Variants in NOL4 observed in about 807,000 individuals in gnomAD.
NOL4 encodes the protein cancer/testis antigen 125.
NOL4 carries 17 observed loss-of-function variants against 75.9 expected under a neutral mutation model. The observed-to-expected ratio is 0.22, with a 90% CI of 0.15 to 0.34. The LOEUF (loss-of-function observed/expected upper bound fraction) is 0.34. NOL4 is among the 10% of genes least tolerant of loss of function. The probability of loss-of-function intolerance (pLI) is 1.00; values close to 1 mark genes in which losing one functional copy is unlikely to be tolerated. For synonymous variants in NOL4, 292 were observed against 289.9 expected (o/e 1.01, Z -0.07); for missense variants, 614 against 793.5 (o/e 0.77, Z 2.72).
At chr18:33,955,658 T>C (rs2069589855) in intron 8 of NOL4, among the ~76,000 whole-genome samples, 1 of 152,094 alleles carries the variant, frequency 6.6e-6, no homozygotes, top group Non-Finnish European at 1.5e-5. Context: ...GGTAAAAGCA[T>C]TCCATTTCCT....
intron 5 of NOL4, among the ~76,000 whole-genome samples, chr18:34,080,600 C>A (rs192103987): frequency 6.6e-6 from 1 of 152,276 alleles, no homozygotes; most frequent in Admixed American, 6.5e-5. Flanking sequence ...GAAGGCTGGG[C>A]CACTGCTACG....
At chr18:34,135,767 C>G (rs2145945341) in intron 1 of NOL4, among the ~76,000 whole-genome samples, 1 of 150,444 alleles carries the variant, frequency 6.6e-6, no homozygotes, top group South Asian at 2.1e-4. Flanking sequence ...ACCAAACATT[C>G]AAAGAATCAA....
intron 5 of NOL4, among the ~76,000 whole-genome samples, chr18:34,057,064 A>C (rs2076861706): frequency 6.6e-6 from 1 of 152,194 alleles, no homozygotes; most frequent in African/African-American, 2.4e-5. Flanking sequence ...GAAGTCCTGG[A>C]GTGCTTAATG....
intron 5 of NOL4, among the ~76,000 whole-genome samples, chr18:34,035,786 A>G (rs1437043913): frequency 6.6e-6 from 1 of 152,126 alleles, no homozygotes; most frequent in Non-Finnish European, 1.5e-5. Context: ...AGAAATGAAA[A>G]TGGAGACATT....
chr18:34,107,924 T>A (rs1568351081), intron 2 of NOL4, among the ~76,000 whole-genome samples: 2 of 152,092 alleles, frequency 1.3e-5, no homozygotes, highest in Non-Finnish European at 1.5e-5. Context: ...AAAGACTCAA[T>A]GAATAAGGTA....
intron 6 of NOL4, among the ~76,000 whole-genome samples, chr18:33,984,945 A>C (rs900749016): frequency 8.5e-5 from 13 of 152,074 alleles, no homozygotes; most frequent in African/African-American, 3.1e-4. Flanking sequence ...CTTTAACTTA[A>C]GCAATCACAT....
At chr18:34,026,955 T>A (rs1822989871) in intron 5 of NOL4, among the ~76,000 whole-genome samples, 1 of 152,188 alleles carries the variant, frequency 6.6e-6, no homozygotes, top group Non-Finnish European at 1.5e-5. Flanking sequence ...GTTTGGGTAT[T>A]CTGAGGAGAG....
rs77586387 is a variant in NOL4 at position 34,156,066 on chromosome 18, C to T, written c.265-26046G>A. Among the ~76,000 whole-genome samples the T allele has an allele frequency of 4.1e-4, 62 of 152,246 alleles. No homozygotes were observed. The East Asian group carries it at 7.7e-3, about 19-fold the overall frequency. ...TGTCAGAATATTTCCCATTTCCTTC[C>T]ATGCCAGACATGATGCCTTTCCTCT... On this transcript the variant is annotated intron_variant, in intron 1 of 10. Coordinates refer to ENST00000261592, the MANE Select transcript of NOL4 (RefSeq NM_003787.5).
At chr18:33,870,949 T>G (rs1011695085) in intron 10 of NOL4, among the ~76,000 whole-genome samples, 3 of 152,084 alleles carry the variant, frequency 2.0e-5, no homozygotes, top group African/African-American at 7.2e-5. Flanking sequence ...TTTAATTTTG[T>G]AATCAGTTTT....
intron 6 of NOL4, among the ~76,000 whole-genome samples, chr18:33,982,182 C>G (rs1342918457): frequency 6.6e-6 from 1 of 151,918 alleles, no homozygotes; most frequent in African/African-American, 2.4e-5. Context: ...AAAACAGTAA[C>G]AAACATAGTA....
intron 5 of NOL4, among the ~76,000 whole-genome samples, chr18:34,069,022 T>C (rs1329198624): frequency 1.3e-5 from 2 of 152,136 alleles, no homozygotes; most frequent in Non-Finnish European, 2.9e-5. Flanking sequence ...AGGAAAAAAT[T>C]ATCCATAATA....
intron 5 of NOL4, among the ~76,000 whole-genome samples, chr18:34,058,416 G>A (rs2076923078): frequency 6.6e-6 from 1 of 152,184 alleles, no homozygotes; most frequent in South Asian, 2.1e-4. Flanking sequence ...TTACAGGCAT[G>A]AGCCACTGCG....
chr18:34,005,737 G>A (rs1600224039), intron 6 of NOL4, among the ~76,000 whole-genome samples: 3 of 152,002 alleles, frequency 2.0e-5, no homozygotes, highest in East Asian at 1.9e-4. Flanking sequence ...TACATACTTC[G>A]ATGATTCCCC....
At chr18:33,992,470 C>T (rs761693759) in intron 6 of NOL4, among the ~76,000 whole-genome samples, 2 of 151,922 alleles carry the variant, frequency 1.3e-5, no homozygotes, top group Non-Finnish European at 2.9e-5. Flanking sequence ...TAAGGACATA[C>T]AGTAAATGAG....
At chr18:34,071,192 A>C (rs2077499389) in intron 5 of NOL4, among the ~76,000 whole-genome samples, 1 of 152,122 alleles carries the variant, frequency 6.6e-6, no homozygotes, top group African/African-American at 2.4e-5. Context: ...CATGTATCAA[A>C]ATTTATATTG....
At chr18:34,066,413 C>T (rs984785913) in intron 5 of NOL4, among the ~76,000 whole-genome samples, 2 of 151,902 alleles carry the variant, frequency 1.3e-5, no homozygotes, top group Admixed American at 1.3e-4. Flanking sequence ...AGAGTCTTCA[C>T]AGCTGCTTAA....
chr18:33,894,870 G>A (rs1006883458), intron 9 of NOL4, among the ~76,000 whole-genome samples: 3 of 152,048 alleles, frequency 2.0e-5, no homozygotes, highest in African/African-American at 7.2e-5. Flanking sequence ...AGGGTGCAAA[G>A]TTTCAGACAG....
chr18:34,020,307 T>A (rs990024549), intron 5 of NOL4, among the ~76,000 whole-genome samples: 1 of 152,108 alleles, frequency 6.6e-6, no homozygotes, highest in Non-Finnish European at 1.5e-5. Flanking sequence ...GAGAATTAAA[T>A]AACTACCAAT....
chr18:34,041,044 G>C (rs1328159253), intron 5 of NOL4, among the ~76,000 whole-genome samples: 1 of 152,002 alleles, frequency 6.6e-6, no homozygotes, highest in South Asian at 2.1e-4. Flanking sequence ...ATTATAAATT[G>C]AGTTTTCTAT....
Sources: allele counts gnomAD v4.1 joint callset (sites outside exome capture counted in the v4.1 genomes callset), GRCh38; gene constraint gnomAD v4.1.1; transcripts MANE v1.5; gene names NCBI Gene and HGNC (gene_info 2026-07-23, HGNC 2026-07-21).